The following LRBA variants were observed in gnomAD, a reference collection of about 807,000 sequenced individuals.
LRBA encodes the protein lipopolysaccharide-responsive and beige-like anchor protein.
A neutral mutation model predicts 330.0 loss-of-function variants in LRBA; 176 were observed. The ratio of observed to expected loss-of-function variants is 0.53; its 90% confidence interval spans 0.47 to 0.60. The LOEUF (loss-of-function observed/expected upper bound fraction) is 0.60. Among genes scored for constraint, LRBA ranks in the 20% least tolerant of loss-of-function variants. The pLI is 0.00. For missense variants in LRBA, 3,259 were observed against 3,444.8 expected (o/e 0.95, Z 1.35); for synonymous variants, 1,230 against 1,193.0 (o/e 1.03, Z -0.64).
intron 40 of LRBA, among the ~76,000 whole-genome samples, chr4:150,545,349 T>C (rs1370166917): frequency 6.6e-6 from 1 of 152,214 alleles, no homozygotes; most frequent in Non-Finnish European, 1.5e-5. Flanking sequence ...TCTAAGATAT[T>C]GTTGCTACAA....
chr4:150,429,985 A>G (rs763517741), intron 46 of LRBA, among the ~76,000 whole-genome samples: 4 of 152,068 alleles, frequency 2.6e-5, no homozygotes, highest in Admixed American at 6.6e-5. Context: ...ATTTTAATTG[A>G]CTTCTCATAG....
At chr4:150,676,890 A>C (rs1355377271) in intron 37 of LRBA, among the ~76,000 whole-genome samples, 1 of 152,218 alleles carries the variant, frequency 6.6e-6, no homozygotes, top group East Asian at 1.9e-4. Context: ...TGTTCTTTAC[A>C]AACAGAAACC....
intron 17 of LRBA, among the ~76,000 whole-genome samples, chr4:150,875,524 G>T (rs1579067482): frequency 1.3e-5 from 2 of 152,110 alleles, no homozygotes; most frequent in African/African-American, 4.8e-5. Flanking sequence ...CAGCCACATT[G>T]GCCAAAGCCC....
rs1471410712 is a variant in LRBA, at chr4:150,806,323, A to C, written c.5466T>G (p.Leu1822=). 3 of 1,609,426 alleles carry C rather than the reference A, an allele frequency of 1.9e-6. No homozygotes were observed. The highest frequency in any genetic ancestry group is 2.5e-6 in the Non-Finnish European group (3 of 1,177,910). ...CATGGCTACCCAAAAGTGTCCGAGA[A>C]AGAAAAGGTGCAAAATCCACAAAAA... ...REIFVDFAPF[L]SRTLLGSHGQ... is the part of the protein sequence containing the mutation. The change falls in exon 33 of 57, where the codon CTT becomes CTG. Residue 1822 remains leucine, a synonymous_variant. Coordinates refer to ENST00000651943, the MANE Select transcript of LRBA (RefSeq NM_001364905.1).
intron 47 of LRBA, among the ~76,000 whole-genome samples, chr4:150,380,223 G>T (rs891322443): frequency 1.3e-5 from 2 of 151,640 alleles, no homozygotes; most frequent in African/African-American, 4.8e-5. Flanking sequence ...AACAATTAAT[G>T]ATCACAACTC....
At chr4:150,894,348 TAAAGATAAAGATAACCAATA>T (rs1331028277) in intron 16 of LRBA, among the ~76,000 whole-genome samples, 1 of 152,190 alleles carries the variant, frequency 6.6e-6, no homozygotes, top group East Asian at 1.9e-4. Context: ...ATTGTCCCTA[TAAAGATAAAGATAACCAATA>T]AATGTTTACT....
chr4:150,437,529 T>A (rs2151997054), intron 44 of LRBA, among the ~76,000 whole-genome samples: 1 of 149,188 alleles, frequency 6.7e-6, no homozygotes, highest in Non-Finnish European at 1.5e-5. Context: ...ATTATAAAAT[T>A]AAAAATATCA....
chr4:150,661,190 G>C (rs373160435), intron 37 of LRBA, among the ~76,000 whole-genome samples: 2 of 151,268 alleles, frequency 1.3e-5, no homozygotes, highest in South Asian at 2.1e-4. Flanking sequence ...GCAAACAGAG[G>C]CCAGGCATGG....
intron 36 of LRBA, among the ~76,000 whole-genome samples, chr4:150,730,403 C>G (rs1002550601): frequency 6.6e-6 from 1 of 152,086 alleles, no homozygotes; most frequent in Admixed American, 6.6e-5. Context: ...GGTGTTCAGG[C>G]CGGGTGCAGT....
At chr4:150,972,578 T>C (rs551862669) in intron 2 of LRBA, among the ~76,000 whole-genome samples, 1 of 152,184 alleles carries the variant, frequency 6.6e-6, no homozygotes, top group Admixed American at 6.5e-5. Context: ...ATATTACATA[T>C]CAATTTTTAA....
intron 44 of LRBA, among the ~76,000 whole-genome samples, chr4:150,453,318 G>T (rs1181158136): frequency 6.6e-6 from 1 of 152,104 alleles, no homozygotes; most frequent in Non-Finnish European, 1.5e-5. Flanking sequence ...ACTGATATAA[G>T]GATATACTGA....
chr4:150,424,101 T>C (rs916207342), intron 46 of LRBA, among the ~76,000 whole-genome samples: 1 of 152,192 alleles, frequency 6.6e-6, no homozygotes, highest in Admixed American at 6.5e-5. Flanking sequence ...TTGAGGACTT[T>C]ACATGTGAAT....
intron 30 of LRBA, among the ~76,000 whole-genome samples, chr4:150,820,469 C>A (rs1745265264): frequency 1.3e-5 from 2 of 151,964 alleles, no homozygotes; most frequent in South Asian, 2.1e-4. Flanking sequence ...AGATCTCTAA[C>A]ATATAAAATT....
chr4:150,741,174 T>A (rs781561714), intron 35 of LRBA, among the ~76,000 whole-genome samples: 14 of 151,910 alleles, frequency 9.2e-5, no homozygotes, highest in Non-Finnish European at 1.8e-4. Flanking sequence ...ATGAACTACA[T>A]CAAAATTTAA....
intron 53 of LRBA, among the ~76,000 whole-genome samples, chr4:150,293,078 T>C (rs1728532540): frequency 6.6e-6 from 1 of 152,126 alleles, no homozygotes; most frequent in Admixed American, 6.5e-5. Context: ...AATGAACTTA[T>C]TAGGCATATA....
At chr4:150,654,712 G>A (rs1780014685) in intron 37 of LRBA, among the ~76,000 whole-genome samples, 1 of 151,896 alleles carries the variant, frequency 6.6e-6, no homozygotes, top group African/African-American at 2.4e-5. Context: ...CCCAACAACA[G>A]GCCCCAGTGC....
At chr4:150,884,905 A>T (rs765737525) in intron 17 of LRBA, among the ~76,000 whole-genome samples, 160 of 152,284 alleles carry the variant, frequency 1.1e-3, no homozygotes, top group Non-Finnish European at 1.5e-3. Flanking sequence ...CAATAAATGA[A>T]AAAATAGTAT....
chr4:150,584,252 TAAG>T (rs1435609200), intron 40 of LRBA: 1 of 931,624 alleles, frequency 1.1e-6, no homozygotes, highest in Non-Finnish European at 1.5e-6. Context: ...CTTCATTAAT[TAAG>T]AAGCAAACAA....
At chr4:150,649,034 AT>A (rs34936621) in intron 37 of LRBA, among the ~76,000 whole-genome samples, 2 of 151,994 alleles carry the variant, frequency 1.3e-5, no homozygotes, top group African/African-American at 4.8e-5. Flanking sequence ...TTCTTAGACA[AT>A]TTTGCTTCTG....
Sources: gnomAD v4.1 joint callset for allele counts (sites outside exome capture counted in the v4.1 genomes callset) on GRCh38, gnomAD v4.1.1 for gene constraint, MANE v1.5 for transcripts, NCBI Gene and HGNC (gene_info 2026-07-23, HGNC 2026-07-21) for gene names.